The following CCNG1 variants were observed in gnomAD, a reference collection of about 807,000 sequenced individuals.
The protein encoded by CCNG1 is cyclin G1.
A neutral mutation model predicts 30.0 loss-of-function variants in CCNG1; 13 were observed. That is an observed-to-expected ratio of 0.43 (90% CI 0.28 to 0.69). The LOEUF is 0.69. CCNG1 is among the 30% of genes least tolerant of loss of function. The pLI is 0.16. For missense variants in CCNG1, 285 were observed against 331.4 expected, an observed-to-expected ratio of 0.86 and a Z score of 1.09; for synonymous variants, 110 against 121.5, an observed-to-expected ratio of 0.91 and a Z score of 0.62.
rs1191378404 is a variant in CCNG1, at chr5:163,444,052, C to T, written c.*382C>T. 9.5e-6 allele frequency: 2 copies of T among 210,440 alleles called. 1 individual carries two copies. Among genetic ancestry groups the T allele is most frequent in the South Asian group, 2.7e-4 (2 of 7,444 alleles). 13.0% of individuals were successfully genotyped at this position (210,440 alleles called of 1,614,324 possible). A position where few individuals can be genotyped will look rare whatever the true frequency, so the allele number is the denominator to read the frequency against. ...CTATCAACTATCAGTCTTCCCACAG[C>T]TTCAATCACTGTCATTATTCTAATC... is the stretch of plus-strand genomic sequence containing the variant. On this transcript the variant is annotated 3_prime_UTR_variant, in exon 7 of 7. Coordinates refer to ENST00000340828, the MANE Select transcript of CCNG1 (RefSeq NM_004060.4).
chr5:163,454,928 G>A, the CCNG1 span, among the ~76,000 whole-genome samples: 1 of 152,202 alleles, frequency 6.6e-6, no homozygotes, highest in Non-Finnish European at 1.5e-5. Flanking sequence ...CAGTACAGGG[G>A]CTGGCAGACT....
chr5:163,438,240 C>T (rs1215618045), intron 1 of CCNG1, among the ~76,000 whole-genome samples: 1 of 152,100 alleles, frequency 6.6e-6, no homozygotes. Context: ...CGCACCCCCC[C>T]GCCCCAATAC....
the CCNG1 span, chr5:163,457,194 T>G: frequency 2.7e-6 from 3 of 1,117,498 alleles, no homozygotes; most frequent in Non-Finnish European, 3.7e-6. Context: ...TGCAGCGGCT[T>G]GATCTCGGCT....
chr5:163,443,941 T>C lies in CCNG1; in HGVS notation c.*271T>C. On this transcript the variant is annotated 3_prime_UTR_variant, in exon 7 of 7. Coordinates refer to ENST00000340828, the MANE Select transcript of CCNG1 (RefSeq NM_004060.4). ...GCCTGAGAAGGTAAACTGTGAATCT[T>C]CATTTCTATCATTGATCTAACTTTA... 2.1e-6 allele frequency: 1 copy of C among 467,808 alleles called. No homozygotes were observed. Among genetic ancestry groups the C allele is most frequent in the South Asian group, 3.7e-5 (1 of 27,134 alleles). 29.0% of individuals were successfully genotyped at this position (467,808 alleles called of 1,614,324 possible). A position where few individuals can be genotyped will look rare whatever the true frequency, so the allele number is the denominator to read the frequency against.
At chr5:163,457,136 G>GTTTT in the CCNG1 span, 1 of 1,372,754 alleles carries the variant, frequency 7.3e-7, no homozygotes. Flanking sequence ...TCTTCATCAA[G>GTTTT]TTGTTTTTTT....
At chr5:163,453,725 T>C in the CCNG1 span, 16 of 301,916 alleles carry the variant, frequency 5.3e-5, no homozygotes, top group African/African-American at 3.2e-4. Flanking sequence ...AAATGCAGCA[T>C]ATAAAACTTC....
At chr5:163,455,421 A>G in the CCNG1 span, among the ~76,000 whole-genome samples, 1 of 152,228 alleles carries the variant, frequency 6.6e-6, no homozygotes, top group Non-Finnish European at 1.5e-5. Context: ...CCGAGAAATG[A>G]CTTGCAGAGT....
chr5:163,439,543 G>A (rs1225527449), intron 2 of CCNG1, 23 bp downstream of exon 2: 14 of 1,593,220 alleles, frequency 8.8e-6, no homozygotes, highest in East Asian at 2.2e-5. Context: ...CTACATTTTT[G>A]TAATTTTGCT....
At chr5:163,442,226 G>A (rs1581169116) in intron 5 of CCNG1, 83 bp downstream of exon 5, 1 of 1,115,604 alleles carries the variant, frequency 9.0e-7, no homozygotes, top group Non-Finnish European at 1.3e-6. Flanking sequence ...AAAATGAGAT[G>A]TCATATGTTT....
In CCNG1 at chr5:163,442,515, A is replaced by C; in HGVS notation, c.838A>C (p.Ser280Arg). ...GCGTACTGCACGGCAATTGAAGCAT[A>C]GCTACTACAGAATAACTCACCTTCC... ...SGRTARQLKH[S>R]YYRITHLPTI... The change falls in exon 6 of 7, where the codon AGC becomes CGC. Residue 280 changes from serine to arginine, a missense_variant. By Grantham distance (110) the Ser-to-Arg change is moderately radical. Coordinates refer to ENST00000340828, the MANE Select transcript of CCNG1 (RefSeq NM_004060.4). 1 of 1,613,512 alleles carries C rather than the reference A, an allele frequency of 6.2e-7. No individual in the cohort carries two copies.
chr5:163,443,988 G>C lies in CCNG1; in HGVS notation c.*318G>C, dbSNP rs1250103173. The stretch of plus-strand genomic sequence containing the variant: ...TTTAGATATTGGATCAATATATTTA[G>C]GTGGTATTGAAAATGCTATTGGAGG... On this transcript the variant is annotated 3_prime_UTR_variant, in exon 7 of 7. Transcript: ENST00000340828. The C allele has an allele frequency of 2.9e-6, 1 of 349,458 alleles. No homozygotes were observed. Among genetic ancestry groups the C allele is most frequent in the African/African-American group, 2.1e-5 (1 of 47,638 alleles). 21.6% of individuals were successfully genotyped at this position (349,458 alleles called of 1,614,324 possible).
chr5:163,446,628 A>C (rs1758044087), downstream of CCNG1: 1 of 152,266 alleles, frequency 6.6e-6, no homozygotes, highest in Non-Finnish European at 1.5e-5. Context: ...ATTTCTCTAT[A>C]CTAATAACTT....
chr5:163,442,811 C>G (rs532214629), intron 6 of CCNG1, among the ~76,000 whole-genome samples: 4 of 152,120 alleles, frequency 2.6e-5, no homozygotes, highest in Non-Finnish European at 5.9e-5. Context: ...ATTAAATTTT[C>G]AGCTTAGAGA....
chr5:163,455,415 G>T, the CCNG1 span, among the ~76,000 whole-genome samples: 1 of 152,206 alleles, frequency 6.6e-6, no homozygotes, highest in Non-Finnish European at 1.5e-5. Flanking sequence ...AAAGGGCCGA[G>T]AAATGACTTG....
intron 1 of CCNG1, among the ~76,000 whole-genome samples, chr5:163,438,206 C>T (rs990125309): frequency 1.3e-5 from 2 of 152,162 alleles, no homozygotes; most frequent in Non-Finnish European, 2.9e-5. Context: ...GTTCATCTTT[C>T]AGACTAGGTT....
At chr5:163,457,107 C>A in the CCNG1 span, 4 of 1,560,384 alleles carry the variant, frequency 2.6e-6, no homozygotes, top group African/African-American at 1.4e-5. Context: ...CACACACACA[C>A]GCACAAATAA....
At chr5:163,442,334 T>C in intron 5 of CCNG1, 40 bp from the exon 6 acceptor site, 1 of 1,464,208 alleles carries the variant, frequency 6.8e-7, no homozygotes, top group Non-Finnish European at 9.3e-7. Flanking sequence ...AGGTGGGACT[T>C]ACTTGGAGTA....
Position 163,441,181 on chromosome 5 carries a change from G to T in CCNG1, c.368G>T (p.Arg123Leu). 1 of 1,613,940 alleles carries T rather than the reference G, an allele frequency of 6.2e-7. No individual in the cohort carries two copies. The highest frequency in any genetic ancestry group is 8.5e-7 in the Non-Finnish European group (1 of 1,179,890). The change falls in exon 3 of 7, where the codon CGA (arginine) becomes CTA (leucine). Residue 123 changes from arginine to leucine, a missense_variant. Transcript: ENST00000340828. ...GTCCCATTGGCAACTGACTTGATCC[G>T]AATAAGTCAATATAGGTTTACGGTT... ...RNVPLATDLIRISQYRFTVSD... is the reference protein window; with the variant it reads ...RNVPLATDLILISQYRFTVSD...
chr5:163,451,919 A>C, the CCNG1 span: 1 of 152,212 alleles, frequency 6.6e-6, no homozygotes, highest in Non-Finnish European at 1.5e-5. Flanking sequence ...CAGGTGTGGC[A>C]GCGCATGCCT....
Sources: gnomAD v4.1 joint callset for allele counts (sites outside exome capture counted in the v4.1 genomes callset) on GRCh38, gnomAD v4.1.1 for gene constraint, MANE v1.5 for transcripts, NCBI Gene and HGNC (gene_info 2026-07-23, HGNC 2026-07-21) for gene names.